Variants in MSANTD3 observed in about 807,000 individuals in gnomAD.
The protein encoded by MSANTD3 is myb/SANT-like DNA-binding domain-containing protein 3.
A neutral mutation model predicts 27.7 loss-of-function variants in MSANTD3; 11 were observed. The ratio of observed to expected loss-of-function variants is 0.40; its 90% CI spans 0.25 to 0.66. The LOEUF is 0.66. MSANTD3 is among the 30% of genes least tolerant of loss of function. The pLI is 0.41. For missense variants in MSANTD3, 250 were observed against 336.5 expected (o/e 0.74, Z 2.01); for synonymous variants, 131 against 127.2 (o/e 1.03, Z -0.20).
chr9:100,440,563 C>T (rs892093721), intron 1 of MSANTD3, among the ~76,000 whole-genome samples: 1 of 151,348 alleles, frequency 6.6e-6, no homozygotes, highest in African/African-American at 2.4e-5. Context: ...GCTCCAGGTA[C>T]ATGCCACAGA....
intron 1 of MSANTD3, among the ~76,000 whole-genome samples, chr9:100,437,239 G>C (rs1836498046): frequency 6.6e-6 from 1 of 152,108 alleles, no homozygotes; most frequent in African/African-American, 2.4e-5. Flanking sequence ...GGAAATGAGT[G>C]GGGGAAGAGC....
chr9:100,449,593 CAG>C (rs950966911), intron 2 of MSANTD3, among the ~76,000 whole-genome samples: 2 of 151,810 alleles, frequency 1.3e-5, no homozygotes, highest in African/African-American at 4.8e-5. Flanking sequence ...AACAGTGAAA[CAG>C]AATTATGAAA....
intron 1 of MSANTD3, among the ~76,000 whole-genome samples, chr9:100,433,864 T>C (rs1216523020): frequency 6.6e-6 from 1 of 152,142 alleles, no homozygotes; most frequent in Non-Finnish European, 1.5e-5. Flanking sequence ...GTTAAGTCTT[T>C]ACCTCCCGAG....
intron 2 of MSANTD3, chr9:100,445,197 G>A: frequency 6.2e-7 from 1 of 1,609,946 alleles, no homozygotes; most frequent in Non-Finnish European, 8.5e-7. Flanking sequence ...AAAGAAGCCT[G>A]GAATTGTCAA....
At chr9:100,434,970 TACAC>T (rs140970116) in intron 1 of MSANTD3, among the ~76,000 whole-genome samples, 32 of 150,310 alleles carry the variant, frequency 2.1e-4, no homozygotes, top group Admixed American at 4.6e-4. Context: ...ACACACACCA[TACAC>T]ACACACACAC....
At chr9:100,448,489 C>T in intron 2 of MSANTD3, 1 of 985,408 alleles carries the variant, frequency 1.0e-6, no homozygotes, top group Non-Finnish European at 1.2e-6. Flanking sequence ...TTCCTTTGTC[C>T]TGTGCCTTGG....
intron 2 of MSANTD3, among the ~76,000 whole-genome samples, chr9:100,446,003 T>G (rs1485225110): frequency 1.3e-5 from 2 of 152,202 alleles, no homozygotes; most frequent in African/African-American, 4.8e-5. Flanking sequence ...GCTTTGACAC[T>G]TATCTTCCAT....
chr9:100,445,295 G>C (rs1330247845), intron 2 of MSANTD3: 1 of 995,584 alleles, frequency 1.0e-6, no homozygotes, highest in East Asian at 2.4e-5. Context: ...TTGACATAAG[G>C]AATGTGTGTG....
At chr9:100,439,050 T>C (rs570080272) in intron 1 of MSANTD3, among the ~76,000 whole-genome samples, 1 of 152,326 alleles carries the variant, frequency 6.6e-6, no homozygotes, top group South Asian at 2.1e-4. Flanking sequence ...GTGTCCAGTA[T>C]GAATGTAGAG....
intron 2 of MSANTD3, chr9:100,445,232 A>G (rs533759205): frequency 1.9e-6 from 3 of 1,581,910 alleles, no homozygotes; most frequent in South Asian, 1.1e-5. Flanking sequence ...ACTTGGTAGG[A>G]AAAAGGTGGA....
chr9:100,443,020 C>T (rs2118236846), intron 2 of MSANTD3, among the ~76,000 whole-genome samples: 1 of 152,166 alleles, frequency 6.6e-6, no homozygotes, highest in East Asian at 1.9e-4. Flanking sequence ...TATTCATCCA[C>T]TCAATTTCAC....
rs950209453 is a variant in MSANTD3, at chr9:100,448,737, G to C, written c.419-1820G>C. The C allele has an allele frequency of 3.6e-5, 35 of 985,404 alleles. No homozygotes were observed. In the African/African-American group the frequency reaches 5.9e-4, roughly 17 times the overall value. 61.0% of individuals were successfully genotyped at this position (985,404 alleles called of 1,614,324 possible). A position where few individuals can be genotyped will look rare whatever the true frequency, so the allele number is the denominator to read the frequency against. On this transcript the variant is annotated intron_variant, in intron 2 of 2. Coordinates refer to ENST00000395067, the MANE Select transcript of MSANTD3 (RefSeq NM_080655.3). ...GTTCTGCCAGAGGTAGGCCCAGGAG[G>C]CAGTGGGAGCATGAAGGAAGAGCTG...
rs147177992 is a variant in MSANTD3, at chr9:100,442,100, C to A, written c.162C>A (p.His54Gln). The A allele has an allele frequency of 1.9e-6, 3 of 1,614,168 alleles. No individual in the cohort carries two copies. The East Asian group carries it at 6.7e-5, about 36-fold the overall frequency. ...LKQRTWQALA[H>Q]EYNSQPSVSL... is the part of the protein sequence containing the mutation. ...AGCGTACCTGGCAGGCGCTGGCCCACGAATACAACTCTCAGCCCAGCGTGT... is the reference window on the plus strand; with the variant it reads ...AGCGTACCTGGCAGGCGCTGGCCCAAGAATACAACTCTCAGCCCAGCGTGT... The change falls in exon 2 of 3, where the codon CAC (histidine) becomes CAA (glutamine). Residue 54 changes from histidine to glutamine, a missense_variant. Coordinates refer to ENST00000395067, the MANE Select transcript of MSANTD3 (RefSeq NM_080655.3).
chr9:100,450,490 G>A (rs1233240001), intron 2 of MSANTD3, 67 bp from the exon 3 acceptor site: 3 of 1,391,360 alleles, frequency 2.2e-6, no homozygotes, highest in African/African-American at 1.4e-5. Context: ...ATTTGAAATA[G>A]GATTGGTTTT....
At chr9:100,450,347 A>G (rs1196808017) in intron 2 of MSANTD3, among the ~76,000 whole-genome samples, 3 of 152,318 alleles carry the variant, frequency 2.0e-5, no homozygotes, top group Admixed American at 2.0e-4. Context: ...AAAACCCCTT[A>G]TCATTATTTC....
chr9:100,443,570 G>T (rs1380942051), intron 2 of MSANTD3, among the ~76,000 whole-genome samples: 15 of 151,974 alleles, frequency 9.9e-5, no homozygotes, highest in Admixed American at 3.9e-4. Flanking sequence ...AGCTCCAAAA[G>T]AAATTAACTT....
intron 1 of MSANTD3, among the ~76,000 whole-genome samples, chr9:100,434,259 C>T (rs146337480): frequency 9.6e-4 from 146 of 152,290 alleles, no homozygotes; most frequent in African/African-American, 3.4e-3. Flanking sequence ...TGTGGTGGCT[C>T]ACACCTGTAA....
In MSANTD3 at chr9:100,450,796, G is replaced by T; in HGVS notation, c.658G>T (p.Val220Leu). 1 of 1,614,180 alleles carries T rather than the reference G, an allele frequency of 6.2e-7. No individual in the cohort carries two copies. The highest frequency in any genetic ancestry group is 8.5e-7 in the Non-Finnish European group (1 of 1,180,012). Reference protein sequence around the residue: ...LQLIQMNEVHVAKIQQIEREC... With the variant: ...LQLIQMNEVHLAKIQQIEREC... ...ACTGATACAAATGAATGAGGTGCAT[G>T]TGGCCAAAATCCAGCAGATAGAGCG... The change falls in exon 3 of 3, where the codon GTG becomes TTG. Residue 220 changes from valine to leucine, a missense_variant. Val to Leu is a conservative substitution (Grantham distance 32). Transcript: ENST00000395067.
chr9:100,442,686 G>A (rs1836656499), intron 2 of MSANTD3, among the ~76,000 whole-genome samples: 1 of 151,710 alleles, frequency 6.6e-6, no homozygotes, highest in South Asian at 2.1e-4. Flanking sequence ...GCATGCACCT[G>A]TAGTTCCAGC....
Sources: gnomAD v4.1 joint callset for allele counts (sites outside exome capture counted in the v4.1 genomes callset) on GRCh38, gnomAD v4.1.1 for gene constraint, MANE v1.5 for transcripts, NCBI Gene and HGNC (gene_info 2026-07-23, HGNC 2026-07-21) for gene names.